MAN1A1: variants seen among roughly 807,000 people sequenced by gnomAD.
MAN1A1 encodes mannosidase alpha class 1A member 1, also known as mannosyl-oligosaccharide 1,2-alpha-mannosidase IA.
MAN1A1 carries 29 observed loss-of-function variants against 70.8 expected under a neutral mutation model. The observed-to-expected ratio is 0.41, with a 90% CI of 0.31 to 0.56. The LOEUF (loss-of-function observed/expected upper bound fraction) is 0.56. Among genes scored for constraint, MAN1A1 ranks in the 20% least tolerant of loss-of-function variants. MAN1A1 has a pLI of 0.29. For synonymous variants in MAN1A1, 349 were observed against 330.1 expected, an observed-to-expected ratio of 1.06 and a Z score of -0.62; for missense variants, 747 against 841.3, an observed-to-expected ratio of 0.89 and a Z score of 1.39.
intron 5 of MAN1A1, among the ~76,000 whole-genome samples, chr6:119,256,471 A>G (rs1466267071): frequency 8.7e-5 from 13 of 148,896 alleles, no homozygotes; most frequent in Non-Finnish European, 5.9e-5. Context: ...CTGAATAGAG[A>G]GGGTTTTATA....
At chr6:119,342,454 A>T (rs1047443051) in intron 2 of MAN1A1, among the ~76,000 whole-genome samples, 1 of 152,204 alleles carries the variant, frequency 6.6e-6, no homozygotes, top group African/African-American at 2.4e-5. Flanking sequence ...TTACTATCAC[A>T]TTTAAGCCTC....
chr6:119,210,368 G>A (rs1339274726), intron 6 of MAN1A1, among the ~76,000 whole-genome samples: 5 of 152,098 alleles, frequency 3.3e-5, no homozygotes, highest in East Asian at 1.9e-4. Flanking sequence ...CCAAAAAGGC[G>A]AGCAGAACTG....
chr6:119,247,831 C>G lies in MAN1A1; in HGVS notation c.992+429G>C, dbSNP rs184744051. Among the ~76,000 whole-genome samples, 286 of 152,298 alleles carry G rather than the reference C, an allele frequency of 1.9e-3. 3 individuals carry two copies. The highest frequency in any genetic ancestry group is 6.4e-3 in the African/African-American group (268 of 41,558). On this transcript the variant is annotated intron_variant, in intron 6 of 12. Transcript: ENST00000368468. ...TATACCAGCTGCTTTTATGGGGGAT[C>G]TGATTAGGCCAAATATTGTATTTCT...
chr6:119,258,370 TA>T (rs573358224), intron 5 of MAN1A1, among the ~76,000 whole-genome samples: 220 of 152,328 alleles, frequency 1.4e-3, no homozygotes, highest in African/African-American at 5.1e-3. Flanking sequence ...GAAAAAAATG[TA>T]TGGTTGCATC....
intron 3 of MAN1A1, among the ~76,000 whole-genome samples, chr6:119,305,966 C>T (rs1430792101): frequency 1.3e-5 from 2 of 152,152 alleles, no homozygotes; most frequent in South Asian, 2.1e-4. Context: ...TCTGGGAAAA[C>T]TATTCTCTGG....
In MAN1A1 at chr6:119,275,023, C is replaced by T. The variant is rs543970097; in HGVS notation, c.897+15660G>A. ...ATCTATTATTAACTCATAAGCATTACGAGTGTGATTATGGTTTAGTTTTCA... is the reference window on the plus strand; with the variant it reads ...ATCTATTATTAACTCATAAGCATTATGAGTGTGATTATGGTTTAGTTTTCA... On this transcript the variant is annotated intron_variant, in intron 5 of 12. Coordinates refer to ENST00000368468, the MANE Select transcript of MAN1A1 (RefSeq NM_005907.4). Among the ~76,000 whole-genome samples the T allele has an allele frequency of 1.1e-4, 16 of 152,150 alleles. No individual in the cohort carries two copies. The South Asian group carries it at 2.3e-3, about 22-fold the overall frequency.
intron 2 of MAN1A1, among the ~76,000 whole-genome samples, chr6:119,329,601 C>T (rs1333829299): frequency 3.3e-5 from 5 of 152,114 alleles, no homozygotes; most frequent in Non-Finnish European, 5.9e-5. Context: ...CCAAATATGG[C>T]AGAGTGGTTG....
intron 2 of MAN1A1, among the ~76,000 whole-genome samples, chr6:119,347,662 A>C (rs1362152895): frequency 6.6e-6 from 1 of 152,196 alleles, no homozygotes; most frequent in African/African-American, 2.4e-5. Flanking sequence ...CATCTTGAAA[A>C]TGACAGCCTG....
intron 5 of MAN1A1, among the ~76,000 whole-genome samples, chr6:119,285,511 T>G (rs940131671): frequency 6.6e-6 from 1 of 152,188 alleles, no homozygotes; most frequent in African/African-American, 2.4e-5. Flanking sequence ...ACTATTTCAA[T>G]TCTTCCTTTT....
intron 6 of MAN1A1, among the ~76,000 whole-genome samples, chr6:119,219,594 G>GTTT (rs199942493): frequency 3.5e-5 from 5 of 141,188 alleles, no homozygotes; most frequent in African/African-American, 1.3e-4. Context: ...ATCTGTTTTT[G>GTTT]TTTTTTTTTC....
intron 2 of MAN1A1, among the ~76,000 whole-genome samples, chr6:119,334,596 A>G (rs1458362592): frequency 6.6e-6 from 1 of 152,226 alleles, no homozygotes; most frequent in Non-Finnish European, 1.5e-5. Flanking sequence ...ACATTTAAGG[A>G]GCAGATTAAA....
intron 5 of MAN1A1, among the ~76,000 whole-genome samples, chr6:119,280,217 T>G (rs1004542485): frequency 3.3e-5 from 5 of 152,222 alleles, no homozygotes; most frequent in Non-Finnish European, 4.4e-5. Context: ...CCTATCAATA[T>G]CTTATCTTCT....
At chr6:119,193,400 T>TA (rs1352333363) in intron 9 of MAN1A1, among the ~76,000 whole-genome samples, 4 of 151,518 alleles carry the variant, frequency 2.6e-5, no homozygotes, top group Non-Finnish European at 5.9e-5. Flanking sequence ...CACATGGAGG[T>TA]AGCCATTGGG....
chr6:119,254,501 A>G (rs1006301567), intron 5 of MAN1A1, among the ~76,000 whole-genome samples: 1 of 152,248 alleles, frequency 6.6e-6, no homozygotes, highest in African/African-American at 2.4e-5. Context: ...AAGATAGGAA[A>G]TGTTAATTTG....
chr6:119,336,908 T>C (rs541625990), intron 2 of MAN1A1, among the ~76,000 whole-genome samples: 33 of 151,882 alleles, frequency 2.2e-4, no homozygotes, highest in African/African-American at 8.0e-4. Context: ...TTCTAGGTAA[T>C]AAAGAAAATA....
chr6:119,257,269 A>G (rs1296080283), intron 5 of MAN1A1, among the ~76,000 whole-genome samples: 1 of 152,226 alleles, frequency 6.6e-6, no homozygotes, highest in Non-Finnish European at 1.5e-5. Context: ...AGAGAGAGAC[A>G]GATTAAATAA....
At chr6:119,272,709 ATTTTGTACCACAC>A (rs1775957676) in intron 5 of MAN1A1, among the ~76,000 whole-genome samples, 1 of 152,170 alleles carries the variant, frequency 6.6e-6, no homozygotes, top group South Asian at 2.1e-4. Context: ...AATACATACT[ATTTTGTACCACAC>A]TTTCGATTGA....
intron 2 of MAN1A1, among the ~76,000 whole-genome samples, chr6:119,334,783 T>C (rs746180165): frequency 2.0e-5 from 3 of 152,252 alleles, no homozygotes; most frequent in Non-Finnish European, 4.4e-5. Context: ...TGCCTAATTA[T>C]TGAGCTAAAT....
At chr6:119,341,784 C>G (rs574797055) in intron 2 of MAN1A1, among the ~76,000 whole-genome samples, 1 of 152,150 alleles carries the variant, frequency 6.6e-6, no homozygotes, top group Non-Finnish European at 1.5e-5. Context: ...TTTACTCGAT[C>G]TCTCTCTCTA....
Sources: gnomAD v4.1 joint callset for allele counts (sites outside exome capture counted in the v4.1 genomes callset) on GRCh38, gnomAD v4.1.1 for gene constraint, MANE v1.5 for transcripts, NCBI Gene and HGNC (gene_info 2026-07-23, HGNC 2026-07-21) for gene names.